The following TTN variants were observed in gnomAD, a reference collection of about 807,000 sequenced individuals.
TTN encodes titin, also known as connectin.
TTN carries 1,525 observed loss-of-function variants against 3,223.0 expected under a neutral mutation model. That is an observed-to-expected ratio of 0.47 (90% CI 0.45 to 0.49). TTN has a LOEUF of 0.49. Among genes scored for constraint, TTN ranks in the 20% least tolerant of loss-of-function variants. The probability of loss-of-function intolerance (pLI) is 0.00; values close to 1 mark genes in which losing one functional copy is unlikely to be tolerated. For missense variants in TTN, 40,786 were observed against 43,424.0 expected, an observed-to-expected ratio of 0.94 and a Z score of 5.40; for synonymous variants, 14,094 against 15,161.0, an observed-to-expected ratio of 0.93 and a Z score of 5.17.
intron 47 of TTN, chr2:178,748,741 T>C (rs1422102587): frequency 1.2e-6 from 2 of 1,612,720 alleles, no homozygotes; most frequent in Non-Finnish European, 1.7e-6. Flanking sequence ...TAAGACTTAT[T>C]TTTTCCTGTT....
At position 178,779,353 on chromosome 2, in the gene TTN, G is replaced by A; in HGVS notation, c.3839C>T (p.Ala1280Val). 1.2e-6 allele frequency: 2 copies of A among 1,611,706 alleles called. No homozygotes were observed. Among genetic ancestry groups the A allele is most frequent in the Non-Finnish European group, 1.7e-6 (2 of 1,178,104 alleles). The change falls in exon 23 of 363, where the codon GCA (alanine) becomes GTA (valine). Residue 1280 changes from alanine (A) to valine (V), a missense_variant. Ala to Val is a moderately conservative substitution (Grantham distance 64). Transcript: ENST00000589042. ...AGCTTCAGATTCAGAAATGTCAACTGCCATCTTTTCTTCTCCATCTTCTTC... is the reference window on the plus strand; with the variant it reads ...AGCTTCAGATTCAGAAATGTCAACTACCATCTTTTCTTCTCCATCTTCTTC... ...LLEEDGEEKM[A>V]VDISESEAVE... is the part of the protein sequence containing the mutation.
At chr2:178,771,866 G>A (rs896634272) in intron 33 of TTN, among the ~76,000 whole-genome samples, 26 of 151,986 alleles carry the variant, frequency 1.7e-4, no homozygotes, top group African/African-American at 5.8e-4. Flanking sequence ...CAAAATGTAC[G>A]AGTCATCAAT....
Position 178,548,845 on chromosome 2 carries a change from T to C in TTN, c.92781A>G (p.Ile30927Met). The C allele has an allele frequency of 1.9e-6, 3 of 1,613,366 alleles. No individual in the cohort carries two copies. Among genetic ancestry groups the C allele is most frequent in the Non-Finnish European group, 1.7e-6 (2 of 1,179,792 alleles). Reference protein sequence around the residue: ...VDRLTAPELDIDANFKQTHVV... With the variant: ...VDRLTAPELDMDANFKQTHVV... ...CATGAGTCTGTTTGAAGTTTGCATC[T>C]ATGTCTAACTCAGGAGCTGTTAACC... The change falls in exon 339 of 363, where the codon ATA (isoleucine) becomes ATG (methionine). Residue 30927 changes from isoleucine (I) to methionine (M), a missense_variant. Transcript: ENST00000589042. The surrounding 1 kb of genome is among the most constrained non-coding windows in gnomAD (Gnocchi z 4.3).
intron 6 of TTN, 189 bp downstream of exon 6, chr2:178,799,298 G>A: frequency 1.2e-6 from 1 of 833,502 alleles, no homozygotes; most frequent in Non-Finnish European, 1.9e-6. Flanking sequence ...GCGGCTGGAT[G>A]TCCAGAGGAA....
rs2050849448 is a variant in TTN, at chr2:178,593,991, T to C, written c.58402A>G (p.Arg19468Gly). The part of the protein sequence containing the change: ...CVVVENSTGS[R>G]KGFCQVNVVD... ...ACATTAACTTGACAGAAACCTTTCC[T>C]AGAGCCTGTACTGTTCTCCACAACC... Residue 19468 changes from arginine to glycine, a missense_variant, in exon 297 of 363, where the codon AGG (arginine) becomes GGG (glycine). Physicochemically the swap from Arg to Gly is moderately radical, Grantham distance 125. Transcript: ENST00000589042. 1 of 1,613,522 alleles carries C rather than the reference T, an allele frequency of 6.2e-7. No individual in the cohort carries two copies. The highest frequency in any genetic ancestry group is 1.1e-5 in the South Asian group (1 of 91,030).
Position 178,539,927 on chromosome 2 carries a change from C to T in TTN, c.98138G>A (p.Gly32713Asp), listed in dbSNP as rs1374598528. ...DYELDERYQE[G>D]IFVRQGGVIR... Reference sequence around the variant, plus strand: ...GACGCCACCTTGCCTTACAAAGATACCTTCTTGGTATCTTTCATCAAGTTC... The same window carrying T: ...GACGCCACCTTGCCTTACAAAGATATCTTCTTGGTATCTTTCATCAAGTTC... The change falls in exon 352 of 363, where the codon GGT (glycine) becomes GAT (aspartate). Residue 32713 changes from glycine to aspartate, a missense_variant. Physicochemically the swap from Gly to Asp is moderately conservative, Grantham distance 94 (BLOSUM62 -1). Transcript: ENST00000589042. 1.2e-6 allele frequency: 2 copies of T among 1,613,512 alleles called. No homozygotes were observed. Among genetic ancestry groups the T allele is most frequent in the African/African-American group, 1.3e-5 (1 of 74,866 alleles).
chr2:178,802,242 T>A lies in TTN; in HGVS notation c.191A>T (p.Lys64Ile). The A allele has an allele frequency of 6.2e-7, 1 of 1,614,124 alleles. No individual in the cohort carries two copies. ...VQISFSDGRA[K>I]LTIPAVTKAN... is the part of the protein sequence containing the mutation. ...TTTAGTCACGGCGGGGATCGTCAGTTTAGCGCGGCCATCGCTAAAGGAGAT... is the reference window on the plus strand; with the variant it reads ...TTTAGTCACGGCGGGGATCGTCAGTATAGCGCGGCCATCGCTAAAGGAGAT... The change falls in exon 3 of 363, where the codon AAA becomes ATA. Residue 64 changes from lysine to isoleucine, a missense_variant. Transcript: ENST00000589042.
In TTN at chr2:178,539,149, A is replaced by G; in HGVS notation, c.98786T>C (p.Val32929Ala). ...TTTGCGTTCGATGTAGTAGCCTGTGACTCTAGAACCACCATCATCTTTGGG... is the reference window on the plus strand; with the variant it reads ...TTTGCGTTCGATGTAGTAGCCTGTGGCTCTAGAACCACCATCATCTTTGGG... Reference protein sequence around the residue: ...SRPKDDGGSRVTGYYIERKET... With the variant: ...SRPKDDGGSRATGYYIERKET... Residue 32929 changes from valine (V) to alanine (A), a missense_variant, in exon 353 of 363, where the codon GTC becomes GCC. Physicochemically the swap from Val to Ala is moderately conservative, Grantham distance 64. Transcript: ENST00000589042. The G allele has an allele frequency of 6.2e-7, 1 of 1,613,680 alleles. No individual in the cohort carries two copies. Among genetic ancestry groups the G allele is most frequent in the Non-Finnish European group, 8.5e-7 (1 of 1,179,734 alleles).
Position 178,730,243 on chromosome 2 carries a change from G to T in TTN, c.18157C>A (p.His6053Asn). Residue 6053 changes from histidine to asparagine, a missense_variant, in exon 62 of 363, where the codon CAC (histidine) becomes AAC (asparagine). Transcript: ENST00000589042. Reference sequence around the variant, plus strand: ...CAAACTGAGCGGGCTGCTCCTGAGTGTAACTCTTTGTTATCTTTAAACCAC... The same window carrying T: ...CAAACTGAGCGGGCTGCTCCTGAGTTTAACTCTTTGTTATCTTTAAACCAC... ...IKWFKDNKEL[H>N]SGAARSVWKD... 6.2e-7 allele frequency: 1 copy of T among 1,613,326 alleles called. No individual in the cohort carries two copies. Among genetic ancestry groups the T allele is most frequent in the Admixed American group, 1.7e-5 (1 of 59,936 alleles).
At chr2:178,760,303 G>A (rs145394393) in intron 43 of TTN, among the ~76,000 whole-genome samples, 38 of 152,240 alleles carry the variant, frequency 2.5e-4, no homozygotes, top group African/African-American at 8.9e-4. Flanking sequence ...AGGCTGAGGC[G>A]GGCAGATCAC....
At position 178,538,781 on chromosome 2, in the gene TTN, A is replaced by G. The variant is rs570697555; in HGVS notation, c.99048T>C (p.Thr33016=). ...CACATTCAGGTTTCTCCCACTGTAG[A>G]GTGACACTATCTTTGGATATTGAAA... is the stretch of plus-strand genomic sequence containing the variant. ...EILSISKDSV[T]LQWEKPECDG... The change falls in exon 354 of 363, where the codon ACT becomes ACC. Residue 33016 remains threonine, a synonymous_variant. Coordinates refer to ENST00000589042, the MANE Select transcript of TTN (RefSeq NM_001267550.2). The G allele has an allele frequency of 6.2e-7, 1 of 1,613,664 alleles. No individual in the cohort carries two copies. The highest frequency in any genetic ancestry group is 1.7e-5 in the Admixed American group (1 of 60,016).
chr2:178,568,791 C>T lies in TTN; in HGVS notation c.77341G>A (p.Asp25781Asn). The T allele has an allele frequency of 1.9e-6, 3 of 1,612,964 alleles. No individual in the cohort carries two copies. Among genetic ancestry groups the T allele is most frequent in the East Asian group, 2.2e-5 (1 of 44,758 alleles). Residue 25781 changes from aspartate to asparagine, a missense_variant, in exon 326 of 363, where the codon GAT becomes AAT. Transcript: ENST00000589042. ...VVAVNEKGRS[D>N]PRSLAVPIVA... ...ATTGGAACTGCAAGGGACCGAGGAT[C>T]ACTTCTCCCCTTTTCATTTACAGCA...
Position 178,583,070 on chromosome 2 carries a change from C to A in TTN, c.65733G>T (p.Lys21911Asn), listed in dbSNP as rs1226949981. 4.3e-6 allele frequency: 7 copies of A among 1,611,420 alleles called. 1 individual carries two copies. Among genetic ancestry groups the A allele is most frequent in the Non-Finnish European group, 5.9e-6 (7 of 1,178,552 alleles). ...GTLLKPAEGI[K>N]MAMQRNLCTL... ...TGCACAGATTCCGCTGCATGGCCAT[C>A]TTTATGCCTTCTGCTGGTTTTAGCA... is the stretch of plus-strand genomic sequence containing the variant. Residue 21911 changes from lysine to asparagine, a missense_variant, in exon 313 of 363, where the codon AAG becomes AAT. Lys to Asn is a moderately conservative substitution (Grantham distance 94, BLOSUM62 0). Coordinates refer to ENST00000589042, the MANE Select transcript of TTN (RefSeq NM_001267550.2).
chr2:178,782,187 A>G (rs745498813), intron 20 of TTN, 25 bp downstream of exon 20: 40 of 1,613,080 alleles, frequency 2.5e-5, no homozygotes, highest in Admixed American at 3.3e-5. Context: ...GTCACAGAGA[A>G]CTCTATATTC....
Position 178,731,050 on chromosome 2 carries a change from C to T in TTN, c.17615G>A (p.Ser5872Asn), listed in dbSNP as rs752094474. ...ELTLGSKYKISVTDTVSILKI... is the reference protein window; with the variant it reads ...ELTLGSKYKINVTDTVSILKI... ...CAGTATTGAGACTGTATCAGTGACA[C>T]TGATTTTATATTTTGAGCCCAGGGT... The change falls in exon 60 of 363, where the codon AGT becomes AAT. Residue 5872 changes from serine to asparagine, a missense_variant. Transcript: ENST00000589042. 2.5e-6 allele frequency: 4 copies of T among 1,613,550 alleles called. No individual in the cohort carries two copies. Among genetic ancestry groups the T allele is most frequent in the Admixed American group, 3.3e-5 (2 of 59,968 alleles).
intron 33 of TTN, among the ~76,000 whole-genome samples, chr2:178,771,932 C>T (rs569980177): frequency 3.9e-5 from 6 of 152,216 alleles, no homozygotes; most frequent in East Asian, 3.9e-4. Context: ...TGGCAAATGT[C>T]GCCCATTCTA....
chr2:178,554,593 G>T lies in TTN; in HGVS notation c.88754C>A (p.Ser29585Tyr). 1 of 1,613,824 alleles carries T rather than the reference G, an allele frequency of 6.2e-7. No individual in the cohort carries two copies. Among genetic ancestry groups the T allele is most frequent in the Non-Finnish European group, 8.5e-7 (1 of 1,179,838 alleles). Residue 29585 changes from serine (S) to tyrosine (Y), a missense_variant, in exon 332 of 363, where the codon TCT becomes TAT. Ser to Tyr is a moderately radical substitution (Grantham distance 144). Coordinates refer to ENST00000589042, the MANE Select transcript of TTN (RefSeq NM_001267550.2). The stretch of plus-strand genomic sequence containing the variant: ...AATGATGCACTCTTCCAAATGTTCA[G>T]ACACCATAGACCACACAACGCGGCT... ...ETSRVVWSMV[S>Y]EHLEECIITT...
chr2:178,783,872 A>C, intron 16 of TTN, 87 bp from the exon 17 acceptor site: 1 of 987,368 alleles, frequency 1.0e-6, no homozygotes, highest in South Asian at 2.9e-5. Context: ...TTATATAATT[A>C]TAAAAATATA....
rs778069260 is a variant in TTN, at chr2:178,559,746, G to A, written c.86386C>T (p.Arg28796Cys). Residue 28796 changes from arginine (R) to cysteine (C), a missense_variant, in exon 326 of 363, where the codon CGT becomes TGT. Transcript: ENST00000589042. The part of the protein sequence containing the change: ...VLWSKPDTDL[R>C]TRAYVDTTDS... ...GTGGTATCAACATAAGCTCTAGTAC[G>A]GAGGTCAGTGTCTGGCTTACTCCAC... 35 of 1,598,840 alleles carry A rather than the reference G, an allele frequency of 2.2e-5. No homozygotes were observed. The highest frequency in any genetic ancestry group is 4.0e-5 in the African/African-American group (3 of 74,620).
Sources: allele counts gnomAD v4.1 joint callset (sites outside exome capture counted in the v4.1 genomes callset), GRCh38; gene constraint gnomAD v4.1.1; non-coding constraint Gnocchi (gnomAD v3.1); transcripts MANE v1.5; gene names NCBI Gene and HGNC (gene_info 2026-07-23, HGNC 2026-07-21).